RETREG3: variants seen among roughly 807,000 people sequenced by gnomAD.
RETREG3 encodes the protein reticulophagy regulator family member 3.
A neutral mutation model predicts 50.2 loss-of-function variants in RETREG3; 23 were observed. That is an observed-to-expected ratio of 0.46 (90% CI 0.33 to 0.65). The LOEUF (loss-of-function observed/expected upper bound fraction) is 0.65, where lower values mean the gene tolerates loss of function less well. RETREG3 is among the 30% of genes least tolerant of loss of function. RETREG3 has a pLI of 0.02. For synonymous variants in RETREG3, 240 were observed against 234.4 expected, an observed-to-expected ratio of 1.02 and a Z score of -0.22; for missense variants, 546 against 598.0, an observed-to-expected ratio of 0.91 and a Z score of 0.91.
At chr17:42,586,592 TG>T (rs2093121749) in intron 4 of RETREG3, among the ~76,000 whole-genome samples, 172 bp downstream of exon 4, 1 of 152,038 alleles carries the variant, frequency 6.6e-6, no homozygotes, top group African/African-American at 2.4e-5. Context: ...ACCAAGCTCC[TG>T]TGTTAGTCCT....
intron 1 of RETREG3, among the ~76,000 whole-genome samples, chr17:42,600,949 C>T (rs576576062): frequency 6.6e-6 from 1 of 152,168 alleles, no homozygotes; most frequent in Non-Finnish European, 1.5e-5. Context: ...TGCAATCTAG[C>T]CTGGGTGACA....
At chr17:42,592,762 G>A (rs1255515448) in intron 1 of RETREG3, among the ~76,000 whole-genome samples, 1 of 152,070 alleles carries the variant, frequency 6.6e-6, no homozygotes, top group Non-Finnish European at 1.5e-5. Flanking sequence ...GGCCAGCCTG[G>A]CCAACATGGT....
At chr17:42,600,742 TA>T (rs1421940087) in intron 1 of RETREG3, among the ~76,000 whole-genome samples, 35 of 152,186 alleles carry the variant, frequency 2.3e-4, no homozygotes, top group Non-Finnish European at 3.4e-4. Flanking sequence ...ATATGTACTC[TA>T]AAAAGTGTGA....
At chr17:42,603,921 G>T (rs897062492) in intron 1 of RETREG3, among the ~76,000 whole-genome samples, 1 of 151,628 alleles carries the variant, frequency 6.6e-6, no homozygotes, top group African/African-American at 2.4e-5. Context: ...AGCTTGCAGT[G>T]AGCCGAGATC....
At chr17:42,583,394 G>C in intron 7 of RETREG3, 104 bp downstream of exon 7, 1 of 973,894 alleles carries the variant, frequency 1.0e-6, no homozygotes, top group African/African-American at 1.6e-5. Context: ...AACAAGGGGA[G>C]TCTAAGGCCT....
At chr17:42,596,359 CAAAAAAAAAAAAAAAAAAAAA>C (rs60457978) in intron 1 of RETREG3, among the ~76,000 whole-genome samples, 4 of 64,728 alleles carry the variant, frequency 6.2e-5, no homozygotes, top group Non-Finnish European at 7.9e-5. Flanking sequence ...GACCCTTTCT[CAAAAAAAAAAAAAAAAAAAAA>C]AAAAAAAAAA....
rs751254427 is a variant in RETREG3, at chr17:42,581,826, G to C, written c.1388C>G (p.Ser463Cys). The change falls in exon 9 of 9, where the codon TCT becomes TGT. Residue 463 changes from serine to cysteine, a missense_variant. Ser to Cys is a moderately radical substitution (Grantham distance 112, BLOSUM62 -1). Transcript: ENST00000309428. ...SELSQLDPAS[S>C]RSH ...GGAGTCTCTGCCTCAGTGGCTCCTA[G>C]AACTGGCAGGGTCCAGCTGACTCAG... The C allele has an allele frequency of 1.3e-6, 2 of 1,586,122 alleles. No individual in the cohort carries two copies. Among genetic ancestry groups the C allele is most frequent in the East Asian group, 2.2e-5 (1 of 44,512 alleles).
chr17:42,604,587 T>C (rs1284909766), intron 1 of RETREG3, among the ~76,000 whole-genome samples: 1 of 149,070 alleles, frequency 6.7e-6, no homozygotes, highest in Non-Finnish European at 1.5e-5. Flanking sequence ...AGAGGACTGC[T>C]GGAGCCCAGG....
chr17:42,597,585 A>G (rs1265350870), intron 1 of RETREG3, among the ~76,000 whole-genome samples: 15 of 8,706 alleles, frequency 1.7e-3, no homozygotes, highest in African/African-American at 2.5e-3. Context: ...TTGTGTGTAT[A>G]TATATATATA....
At chr17:42,583,870 C>T (rs182247239) in intron 6 of RETREG3, among the ~76,000 whole-genome samples, 1 of 152,138 alleles carries the variant, frequency 6.6e-6, no homozygotes, top group East Asian at 1.9e-4. Context: ...TGCAATGGCG[C>T]GATCTCGGCT....
intron 1 of RETREG3, among the ~76,000 whole-genome samples, chr17:42,592,605 T>C (rs1319981506): frequency 6.6e-6 from 1 of 152,178 alleles, no homozygotes; most frequent in Non-Finnish European, 1.5e-5. Context: ...AACTGAGGCC[T>C]GAAAAATATT....
At chr17:42,597,244 A>G (rs976157608) in intron 1 of RETREG3, among the ~76,000 whole-genome samples, 3 of 146,482 alleles carry the variant, frequency 2.0e-5, no homozygotes, top group African/African-American at 7.6e-5. Flanking sequence ...GCTAGAGTGC[A>G]GTGGCGTGAT....
At chr17:42,590,891 T>C (rs2093131866) in intron 2 of RETREG3, among the ~76,000 whole-genome samples, 1 of 151,974 alleles carries the variant, frequency 6.6e-6, no homozygotes, top group Admixed American at 6.6e-5. Context: ...CACTTGAACC[T>C]GGGAGGCGGA....
At chr17:42,596,793 A>G (rs2093146041) in intron 1 of RETREG3, among the ~76,000 whole-genome samples, 2 of 152,010 alleles carry the variant, frequency 1.3e-5, no homozygotes, top group Non-Finnish European at 2.9e-5. Context: ...GAACATTAAT[A>G]TTAATTACCT....
chr17:42,582,906 C>A (rs2093112995), intron 7 of RETREG3, 100 bp from the exon 8 acceptor site: 3 of 1,473,688 alleles, frequency 2.0e-6, no homozygotes, highest in East Asian at 2.3e-5. Flanking sequence ...TATCCGAAGG[C>A]CATCAAATCA....
At chr17:42,608,453 G>A (rs1484999821) in intron 1 of RETREG3, among the ~76,000 whole-genome samples, 1 of 152,198 alleles carries the variant, frequency 6.6e-6, no homozygotes, top group Non-Finnish European at 1.5e-5. Flanking sequence ...GGAACAGGGA[G>A]GAGTTACAAT....
intron 2 of RETREG3, among the ~76,000 whole-genome samples, chr17:42,591,772 T>C (rs1392921459): frequency 6.6e-6 from 1 of 152,208 alleles, no homozygotes; most frequent in African/African-American, 2.4e-5. Context: ...TTATTATTTT[T>C]CATTTGAGGA....
At chr17:42,586,333 G>A in intron 4 of RETREG3, 196 bp from the exon 5 acceptor site, 1 of 581,964 alleles carries the variant, frequency 1.7e-6, no homozygotes, top group Non-Finnish European at 3.0e-6. Context: ...CTTTTACATG[G>A]CTAACCCCAT....
At chr17:42,588,764 TCTC>T (rs1431119087) in intron 2 of RETREG3, among the ~76,000 whole-genome samples, 2 of 151,970 alleles carry the variant, frequency 1.3e-5, no homozygotes, top group African/African-American at 4.8e-5. Flanking sequence ...TTCAAGCAAT[TCTC>T]CTGCCTCAGC....
Sources: gnomAD v4.1 joint callset for allele counts (sites outside exome capture counted in the v4.1 genomes callset) on GRCh38, gnomAD v4.1.1 for gene constraint, MANE v1.5 for transcripts, NCBI Gene and HGNC (gene_info 2026-07-23, HGNC 2026-07-21) for gene names.